The following PSEN1 variants were observed in gnomAD, a reference collection of about 807,000 sequenced individuals.
The protein encoded by PSEN1 is presenilin 1, also known as presenilin-1.
Under a neutral mutation model 53.5 loss-of-function variants are expected in PSEN1, and 15 were observed. The ratio of observed to expected loss-of-function variants is 0.28; its 90% confidence interval spans 0.19 to 0.43. The LOEUF (loss-of-function observed/expected upper bound fraction) is 0.43, where lower values mean the gene tolerates loss of function less well. PSEN1 is among the 20% of genes least tolerant of loss of function. The probability of loss-of-function intolerance (pLI) is 1.00; values close to 1 mark genes in which losing one functional copy is unlikely to be tolerated. For missense variants in PSEN1, 387 were observed against 571.2 expected (o/e 0.68, Z 3.29); for synonymous variants, 208 against 209.8 (o/e 0.99, Z 0.08).
At chr14:73,208,897 G>C in intron 9 of PSEN1, 1 of 454,796 alleles carries the variant, frequency 2.2e-6, no homozygotes, top group Non-Finnish European at 4.4e-6. Flanking sequence ...TCATGCCAAA[G>C]GGTGCCTGCA....
intron 1 of PSEN1, among the ~76,000 whole-genome samples, chr14:73,140,199 ATTCTTTTTTTTTT>A (rs1896881369): frequency 9.8e-6 from 1 of 102,440 alleles, no homozygotes; most frequent in Non-Finnish European, 2.2e-5. Context: ...TTTTTTTGCT[ATTCTTTTTTTTTT>A]TTTTTTTTTT....
intron 10 of PSEN1, among the ~76,000 whole-genome samples, chr14:73,213,412 A>T (rs190062601): frequency 0.016 from 2,338 of 145,988 alleles, 57 homozygotes; most frequent in African/African-American, 0.053. Context: ...TCCAACTTTT[A>T]AAAAAAAAAA....
intron 8 of PSEN1, among the ~76,000 whole-genome samples, chr14:73,200,929 T>C (rs7161398): frequency 0.016 from 2,441 of 152,140 alleles, 48 homozygotes; most frequent in East Asian, 0.048. Context: ...TGCACACTTG[T>C]AATCCCAGTT....
intron 3 of PSEN1, chr14:73,168,045 A>G (rs1479833375): frequency 6.6e-6 from 1 of 151,890 alleles, no homozygotes; most frequent in African/African-American, 2.4e-5. Context: ...CCATGCCCCT[A>G]TCCTGTGCTC....
Position 73,211,825 on chromosome 14 carries a change from G to A in PSEN1, c.1012G>A (p.Glu338Lys). The A allele has an allele frequency of 1.9e-6, 3 of 1,614,124 alleles. No homozygotes were observed. Among genetic ancestry groups the A allele is most frequent in the Non-Finnish European group, 2.5e-6 (3 of 1,180,002 alleles). Residue 338 changes from glutamate to lysine, a missense_variant, in exon 10 of 12, where the codon GAG becomes AAG. Coordinates refer to ENST00000324501, the MANE Select transcript of PSEN1 (RefSeq NM_000021.4). ...AGAGAATGATGATGGCGGGTTCAGT[G>A]AGGAATGGGAAGCCCAGAGGGACAG... ...VAENDDGGFS[E>K]EWEAQRDSHL...
chr14:73,191,289 G>A (rs1898704004), intron 6 of PSEN1, among the ~76,000 whole-genome samples: 1 of 152,054 alleles, frequency 6.6e-6, no homozygotes, highest in South Asian at 2.1e-4. Flanking sequence ...TTGCATAAAT[G>A]GGATCATAAA....
At chr14:73,174,273 G>A (rs1897981577) in intron 5 of PSEN1, 1 of 159,016 alleles carries the variant, frequency 6.3e-6, no homozygotes, top group East Asian at 1.9e-4. Flanking sequence ...CTGTCACCCA[G>A]GCTGGAGTGA....
rs1351425455 is a variant in PSEN1 at position 73,150,798 on chromosome 14, G to A, written c.87+2692G>A. 8.3e-5 allele frequency among the ~76,000 whole-genome samples: 12 copies of A among 145,436 alleles called. No homozygotes were observed. In the East Asian group the frequency reaches 1.6e-3, roughly 20 times the overall value. The stretch of plus-strand genomic sequence containing the variant: ...AAAAAAAAAAAAAAAAGCCAGGTGC[G>A]GTGGCTCACGCCTGTAATCCCAACA... On this transcript the variant is annotated intron_variant, in intron 3 of 11. Coordinates refer to ENST00000324501, the MANE Select transcript of PSEN1 (RefSeq NM_000021.4).
At chr14:73,184,424 C>A (rs1392540176) in intron 5 of PSEN1, among the ~76,000 whole-genome samples, 1 of 111,336 alleles carries the variant, frequency 9.0e-6, no homozygotes, top group East Asian at 4.8e-4. Flanking sequence ...GACGGGGCGG[C>A]TGGCCTGGCA....
At chr14:73,216,831 A>G (rs1056191021) in intron 10 of PSEN1, among the ~76,000 whole-genome samples, 5 of 152,196 alleles carry the variant, frequency 3.3e-5, no homozygotes, top group African/African-American at 4.8e-5. Context: ...ATTTCTTAGT[A>G]CAAGTGCTGG....
intron 6 of PSEN1, among the ~76,000 whole-genome samples, chr14:73,188,369 C>T (rs944828284): frequency 5.3e-5 from 8 of 152,050 alleles, no homozygotes; most frequent in Admixed American, 1.3e-4. Context: ...AATAAATAGA[C>T]GGGGTCGGGT....
At chr14:73,184,622 G>A (rs969677858) in intron 5 of PSEN1, among the ~76,000 whole-genome samples, 6 of 129,798 alleles carry the variant, frequency 4.6e-5, no homozygotes, top group East Asian at 4.9e-4. Context: ...CCTCCCGGAC[G>A]GGGCGGCTGG....
intron 9 of PSEN1, among the ~76,000 whole-genome samples, chr14:73,211,486 G>C (rs1026275054): frequency 6.6e-6 from 1 of 152,214 alleles, no homozygotes; most frequent in Non-Finnish European, 1.5e-5. Context: ...TTGTTAGGAA[G>C]AGGCTTGGTG....
chr14:73,193,370 C>A (rs1378870100), intron 7 of PSEN1, among the ~76,000 whole-genome samples: 2 of 151,446 alleles, frequency 1.3e-5, no homozygotes, highest in Non-Finnish European at 2.9e-5. Context: ...TATGGTGAAA[C>A]CCCGTCTCTA....
intron 6 of PSEN1, among the ~76,000 whole-genome samples, chr14:73,191,931 A>T (rs576790776): frequency 6.6e-6 from 1 of 152,236 alleles, no homozygotes; most frequent in East Asian, 1.9e-4. Flanking sequence ...CACATGTTTA[A>T]TTTTTTCTAA....
At chr14:73,210,652 A>G (rs1459266812) in intron 9 of PSEN1, among the ~76,000 whole-genome samples, 4 of 152,194 alleles carry the variant, frequency 2.6e-5, no homozygotes, top group South Asian at 2.1e-4. Context: ...ATTATTTCAT[A>G]AACTCCAAAC....
At position 73,148,083 on chromosome 14, in the gene PSEN1, C is replaced by T. The variant is rs550343284; in HGVS notation, c.64C>T (p.Leu22=). Residue 22 remains leucine (L), a synonymous_variant, in exon 3 of 12, where the codon CTG becomes TTG. Coordinates refer to ENST00000324501, the MANE Select transcript of PSEN1 (RefSeq NM_000021.4). ...TGCACAGATGTCTGAGGACAACCAC[C>T]TGAGCAATACTGTACGTAGCCAGGT... ...QNAQMSEDNH[L]SNTVRSQNDN... 23 of 1,613,726 alleles carry T rather than the reference C, an allele frequency of 1.4e-5. No homozygotes were observed. The South Asian group carries it at 2.3e-4, about 16-fold the overall frequency.
rs1019700280 is a variant in PSEN1, at chr14:73,219,119, C to T, written c.1249-15C>T. 1.2e-6 allele frequency: 2 copies of T among 1,613,302 alleles called. No homozygotes were observed. The highest frequency in any genetic ancestry group is 1.3e-5 in the African/African-American group (1 of 74,886). On this transcript the variant is annotated splice_polypyrimidine_tract_variant and intron_variant, in intron 11 of 11. Transcript: ENST00000324501. ...AATTATGTGTGAATGTGTGTCTTTC[C>T]CATCTTCTCCACAGGGTTTGTGCCT...
chr14:73,197,561 A>T (rs1899005945), intron 7 of PSEN1: 3 of 171,068 alleles, frequency 1.8e-5, no homozygotes, highest in Admixed American at 1.7e-4. Context: ...TGCTCTTCAT[A>T]TTTTGAAAAG....
Sources: allele counts gnomAD v4.1 joint callset (sites outside exome capture counted in the v4.1 genomes callset), GRCh38; gene constraint gnomAD v4.1.1; transcripts MANE v1.5; gene names NCBI Gene and HGNC (gene_info 2026-07-23, HGNC 2026-07-21).